Variants in PLD5 observed in about 807,000 individuals in gnomAD.
The protein encoded by PLD5 is phospholipase D family member 5.
In PLD5, 36 loss-of-function variants were observed where a neutral mutation model predicts 61.1. The observed-to-expected ratio is 0.59, with a 90% CI of 0.45 to 0.78. PLD5 has a LOEUF of 0.78. Among genes scored for constraint, PLD5 ranks in the 30% least tolerant of loss-of-function variants. The pLI is 0.00. For synonymous variants in PLD5, 243 were observed against 242.8 expected (o/e 1.00, Z -0.01); for missense variants, 515 against 644.4 (o/e 0.80, Z 2.17).
At chr1:242,446,526 G>A (rs144383945) in intron 1 of PLD5, among the ~76,000 whole-genome samples, 12 of 152,218 alleles carry the variant, frequency 7.9e-5, no homozygotes, top group Middle Eastern at 3.4e-3. Flanking sequence ...AGCTGAGATC[G>A]CGCCACTGCA....
chr1:242,501,081 CCTCT>C (rs1185082291), intron 1 of PLD5, among the ~76,000 whole-genome samples: 2 of 152,126 alleles, frequency 1.3e-5, no homozygotes, highest in African/African-American at 2.4e-5. Context: ...ATGTCACCCA[CCTCT>C]CTCTCTGTCT....
chr1:242,220,819 C>T (rs1204790175), intron 4 of PLD5, among the ~76,000 whole-genome samples: 1 of 151,502 alleles, frequency 6.6e-6, no homozygotes, highest in Non-Finnish European at 1.5e-5. Flanking sequence ...TCACAGCAAC[C>T]TCCACCTCCC....
intron 4 of PLD5, among the ~76,000 whole-genome samples, chr1:242,254,099 T>C (rs1672875558): frequency 6.6e-6 from 1 of 152,140 alleles, no homozygotes; most frequent in African/African-American, 2.4e-5. Flanking sequence ...AACCGGGGCT[T>C]TTCTTTCATC....
chr1:242,090,169 T>C (rs1222835072), intron 9 of PLD5, 59 bp from the exon 10 acceptor site: 12 of 1,577,014 alleles, frequency 7.6e-6, no homozygotes, highest in Middle Eastern at 1.7e-4. Flanking sequence ...ACATACCCAA[T>C]ATAATGAAAT....
At chr1:242,245,008 A>C (rs568280089) in intron 4 of PLD5, among the ~76,000 whole-genome samples, 1 of 152,116 alleles carries the variant, frequency 6.6e-6, no homozygotes, top group Non-Finnish European at 1.5e-5. Context: ...TTAAAACTCC[A>C]CTCAGCTTAT....
chr1:242,328,522 A>T (rs192295464), intron 2 of PLD5, among the ~76,000 whole-genome samples: 1 of 152,320 alleles, frequency 6.6e-6, no homozygotes. Context: ...CTACATATTT[A>T]TGTGTTCTAT....
At chr1:242,211,871 C>A (rs1259297958) in intron 5 of PLD5, among the ~76,000 whole-genome samples, 1 of 152,206 alleles carries the variant, frequency 6.6e-6, no homozygotes, top group Non-Finnish European at 1.5e-5. Flanking sequence ...AGTATTGAAA[C>A]AGCTGCTTAA....
chr1:242,175,325 A>G (rs1667063861), intron 5 of PLD5, among the ~76,000 whole-genome samples: 1 of 152,242 alleles, frequency 6.6e-6, no homozygotes. Flanking sequence ...GTAATCCATC[A>G]CATAAACAGA....
chr1:242,311,234 T>C (rs1233041973), intron 2 of PLD5, among the ~76,000 whole-genome samples: 1 of 152,220 alleles, frequency 6.6e-6, no homozygotes, highest in African/African-American at 2.4e-5. Context: ...GTTTTCTGAA[T>C]TTTCAGAATT....
chr1:242,207,844 A>ATATATTTATATATTTATATATATT (rs1558344071), intron 5 of PLD5, among the ~76,000 whole-genome samples: 1 of 22,092 alleles, frequency 4.5e-5, no homozygotes, highest in Non-Finnish European at 8.0e-5. Context: ...TTATATATTT[A>ATATATTTATATATTTATATATATT]TATATATTTA....
rs1315759773 is a variant in PLD5 at position 242,256,116 on chromosome 1, G to T, written c.607+9221C>A. Among the ~76,000 whole-genome samples, 1 of 152,038 alleles carries T rather than the reference G, an allele frequency of 6.6e-6. No homozygotes were observed. Among genetic ancestry groups the T allele is most frequent in the African/African-American group, 2.4e-5 (1 of 41,400 alleles). On this transcript the variant is annotated intron_variant, in intron 4 of 9. Transcript: ENST00000536534. The surrounding 1 kb of genome is among the most constrained non-coding windows in gnomAD (Gnocchi z 5.7). The stretch of plus-strand genomic sequence containing the variant: ...ATAGTGCTAATGAGGGAAAGTTGGG[G>T]TCACTTTTAAACTGGGTGTCTGAGA...
chr1:242,218,500 T>C (rs772734669), intron 5 of PLD5, among the ~76,000 whole-genome samples: 1 of 152,202 alleles, frequency 6.6e-6, no homozygotes, highest in African/African-American at 2.4e-5. Flanking sequence ...TTAGTGAGTT[T>C]GCAGAGCTCA....
chr1:242,381,655 T>C (rs532298396), intron 1 of PLD5, among the ~76,000 whole-genome samples: 2 of 152,224 alleles, frequency 1.3e-5, no homozygotes, highest in Non-Finnish European at 2.9e-5. Flanking sequence ...GTAAAAATTC[T>C]CTTCACTGAT....
At chr1:242,422,123 A>G (rs1400854461) in intron 1 of PLD5, among the ~76,000 whole-genome samples, 1 of 152,170 alleles carries the variant, frequency 6.6e-6, no homozygotes, top group Non-Finnish European at 1.5e-5. Context: ...AGAGACACTT[A>G]GTTTTCATTC....
At chr1:242,225,550 A>T (rs181320154) in intron 4 of PLD5, among the ~76,000 whole-genome samples, 5 of 149,990 alleles carry the variant, frequency 3.3e-5, no homozygotes, top group Admixed American at 2.0e-4. Flanking sequence ...GTGATATTTC[A>T]TGGTATGGAA....
rs539296988 is a variant in PLD5 at position 242,276,464 on chromosome 1, T to C, written c.496-11016A>G. Among the ~76,000 whole-genome samples, 8 of 126,028 alleles carry C rather than the reference T, an allele frequency of 6.3e-5. 1 individual carries two copies. The highest frequency in any genetic ancestry group is 2.3e-4 in the African/African-American group (8 of 34,882). 82.7% of individuals were successfully genotyped at this position (126,028 alleles called of 152,430 possible). On this transcript the variant is annotated intron_variant, in intron 3 of 9. Transcript: ENST00000536534. ...ATATATATGAATATATATGAATATT[T>C]ATAAATTGGAAAGAATCCAGGTATT...
chr1:242,313,300 T>A (rs1676813277), intron 2 of PLD5, among the ~76,000 whole-genome samples: 1 of 152,254 alleles, frequency 6.6e-6, no homozygotes, highest in African/African-American at 2.4e-5. Context: ...ATCTATGCTA[T>A]GCCCATCTTC....
At chr1:242,282,586 C>T (rs1026908160) in intron 3 of PLD5, among the ~76,000 whole-genome samples, 4 of 152,188 alleles carry the variant, frequency 2.6e-5, no homozygotes, top group African/African-American at 9.7e-5. Context: ...ATTGATTTCA[C>T]ATAAATACAT....
At chr1:242,454,988 T>C (rs555880717) in intron 1 of PLD5, among the ~76,000 whole-genome samples, 2 of 152,306 alleles carry the variant, frequency 1.3e-5, no homozygotes, top group South Asian at 4.1e-4. Context: ...CAGGGTATAG[T>C]TCTCCAGCTT....
Sources: allele counts gnomAD v4.1 joint callset (sites outside exome capture counted in the v4.1 genomes callset), GRCh38; gene constraint gnomAD v4.1.1; non-coding constraint Gnocchi (gnomAD v3.1); transcripts MANE v1.5; gene names NCBI Gene and HGNC (gene_info 2026-07-23, HGNC 2026-07-21).